IL1RAPL1: variants seen among roughly 807,000 people sequenced by gnomAD.
IL1RAPL1 encodes interleukin-1 receptor accessory protein-like 1.
Under a neutral mutation model 48.4 loss-of-function variants are expected in IL1RAPL1, and 3 were observed. The ratio of observed to expected loss-of-function variants is 0.06; its 90% CI spans 0.03 to 0.16. IL1RAPL1 has a LOEUF of 0.16. Among genes scored for constraint, IL1RAPL1 ranks in the 10% least tolerant of loss-of-function variants. The pLI, the probability that IL1RAPL1 is intolerant of heterozygous loss-of-function variation, is 1.00. For synonymous variants in IL1RAPL1, 185 were observed against 187.7 expected, an observed-to-expected ratio of 0.99 and a Z score of 0.12; for missense variants, 349 against 530.6, an observed-to-expected ratio of 0.66 and a Z score of 3.36.
At chrX:29,326,111 A>G (rs991872736) in intron 3 of IL1RAPL1, among the ~76,000 whole-genome samples, 2 of 112,566 alleles carry the variant, frequency 1.8e-5, no homozygotes, top group Non-Finnish European at 3.8e-5. Context: ...GTAGCTACAT[A>G]GAAACACCAA....
In IL1RAPL1 at chrX:29,570,987, C is replaced by T. The variant is rs768026015; in HGVS notation, c.704-97443C>T. On this transcript the variant is annotated intron_variant, in intron 5 of 10. Transcript: ENST00000378993. ...CTGTAATCCCAGCACTCTGGGAGGC[C>T]GAGGCGGGTGGATCACGAGGTCAGC... Among the ~76,000 whole-genome samples the T allele has an allele frequency of 6.2e-5, 7 of 112,010 alleles. No individual in the cohort carries two copies. In the South Asian group the frequency reaches 1.5e-3, roughly 24 times the overall value.
chrX:28,750,580 A>G (rs1051366290), intron 1 of IL1RAPL1, among the ~76,000 whole-genome samples: 9 of 111,634 alleles, frequency 8.1e-5, no homozygotes, highest in Non-Finnish European at 1.5e-4. Context: ...CTTTCATCAT[A>G]GTCCTTTGTT....
chrX:28,824,250 A>G (rs1350084798), intron 2 of IL1RAPL1, among the ~76,000 whole-genome samples: 2 of 111,055 alleles, frequency 1.8e-5, no homozygotes, highest in Non-Finnish European at 3.8e-5. Context: ...GTACTCCAAA[A>G]GAGTAACCTA....
intron 5 of IL1RAPL1, among the ~76,000 whole-genome samples, chrX:29,405,408 C>A: frequency 1.0e-5 from 1 of 96,967 alleles, no homozygotes; most frequent in Admixed American, 1.0e-4. Context: ...GCTCTGTCGC[C>A]CAGGCTGGAG....
intron 3 of IL1RAPL1, among the ~76,000 whole-genome samples, chrX:29,306,544 A>C (rs1198236527): frequency 4.0e-5 from 4 of 101,173 alleles, no homozygotes; most frequent in East Asian, 3.1e-4. Context: ...AAAAAAAAAA[A>C]AAAAAAAAAC....
chrX:29,277,248 C>G, intron 2 of IL1RAPL1, among the ~76,000 whole-genome samples: 1 of 111,700 alleles, frequency 9.0e-6, no homozygotes, highest in Non-Finnish European at 1.9e-5. Context: ...TGCTCCTGTT[C>G]AGTGTGGGAA....
chrX:29,236,545 C>CTTTTTTTTTTTTTTTTTTTTTTTTTTTTT (rs754996544), intron 2 of IL1RAPL1, among the ~76,000 whole-genome samples: 3 of 63,198 alleles, frequency 4.7e-5, no homozygotes, highest in African/African-American at 6.7e-5. Flanking sequence ...CTTTTTTTTT[C>CTTTTTTTTTTTTTTTTTTTTTTTTTTTTT]TTTTTTTTTT....
At chrX:29,298,028 G>A (rs1302760544) in intron 3 of IL1RAPL1, among the ~76,000 whole-genome samples, 1 of 111,881 alleles carries the variant, frequency 8.9e-6, no homozygotes. Flanking sequence ...ATTAAAACAA[G>A]ACTACTATTT....
At chrX:29,835,836 A>G (rs956550206) in intron 6 of IL1RAPL1, among the ~76,000 whole-genome samples, 3 of 102,730 alleles carry the variant, frequency 2.9e-5, no homozygotes, top group Admixed American at 2.1e-4. Context: ...TGTGGTATCA[A>G]TTGTAATGTC....
intron 3 of IL1RAPL1, among the ~76,000 whole-genome samples, chrX:29,394,090 C>A (rs1175193995): frequency 9.2e-6 from 1 of 108,933 alleles, no homozygotes; most frequent in Non-Finnish European, 1.9e-5. Flanking sequence ...AATTCTTGAT[C>A]ATCTTGGATG....
At chrX:29,633,195 C>T (rs1297338698) in intron 5 of IL1RAPL1, among the ~76,000 whole-genome samples, 1 of 110,781 alleles carries the variant, frequency 9.0e-6, no homozygotes, top group Non-Finnish European at 1.9e-5. Context: ...CGATTTCACA[C>T]AACAATATGA....
At chrX:28,788,466 TTTC>T (rs936690014) in intron 1 of IL1RAPL1, among the ~76,000 whole-genome samples, 36 of 110,745 alleles carry the variant, frequency 3.3e-4, no homozygotes, top group African/African-American at 8.9e-4. Context: ...TTGAGTGTTG[TTTC>T]TTCTTCTTCT....
At chrX:29,404,776 A>G (rs1425417844) in intron 5 of IL1RAPL1, among the ~76,000 whole-genome samples, 4 of 111,720 alleles carry the variant, frequency 3.6e-5, no homozygotes, top group Non-Finnish European at 5.6e-5. Context: ...CTGCCTGAAA[A>G]ACTTCCTTTG....
intron 5 of IL1RAPL1, among the ~76,000 whole-genome samples, chrX:29,646,756 A>T (rs752466672): frequency 1.1e-3 from 119 of 111,213 alleles, no homozygotes; most frequent in Non-Finnish European, 2.0e-3. Context: ...ACTTAGCAGT[A>T]GCAGCACATT....
chrX:29,114,169 T>TA (rs1928630977), intron 2 of IL1RAPL1, among the ~76,000 whole-genome samples: 2 of 112,153 alleles, frequency 1.8e-5, no homozygotes, highest in African/African-American at 6.5e-5. Context: ...TTCTGTTTCC[T>TA]AAGAATTTCT....
At chrX:29,352,159 T>G (rs1933238865) in intron 3 of IL1RAPL1, among the ~76,000 whole-genome samples, 1 of 112,324 alleles carries the variant, frequency 8.9e-6, no homozygotes, top group African/African-American at 3.2e-5. Flanking sequence ...TGCTGGCTGA[T>G]AACTCCAATA....
intron 1 of IL1RAPL1, among the ~76,000 whole-genome samples, chrX:28,730,157 C>G (rs1323501776): frequency 9.0e-6 from 1 of 111,449 alleles, no homozygotes; most frequent in Non-Finnish European, 1.9e-5. Flanking sequence ...TTGTATTGCT[C>G]TCTCATCTAT....
chrX:28,910,569 T>G (rs1021564376), intron 2 of IL1RAPL1, among the ~76,000 whole-genome samples: 6 of 108,408 alleles, frequency 5.5e-5, no homozygotes, highest in Middle Eastern at 4.8e-3. Flanking sequence ...GAAATAATTT[T>G]CATTTGAAAA....
At chrX:29,214,890 C>T (rs932392330) in intron 2 of IL1RAPL1, among the ~76,000 whole-genome samples, 2 of 111,939 alleles carry the variant, frequency 1.8e-5, no homozygotes, top group African/African-American at 6.5e-5. Flanking sequence ...ATTCCATTAG[C>T]AGAATGGAGT....
Sources: gnomAD v4.1 joint callset for allele counts (sites outside exome capture counted in the v4.1 genomes callset) on GRCh38, gnomAD v4.1.1 for gene constraint, MANE v1.5 for transcripts, NCBI Gene and HGNC (gene_info 2026-07-23, HGNC 2026-07-21) for gene names.